The following EXOC6B variants were observed in gnomAD, a reference collection of about 807,000 sequenced individuals.
EXOC6B encodes SEC15 homolog B.
Under a neutral mutation model 113.5 loss-of-function variants are expected in EXOC6B, and 54 were observed. The ratio of observed to expected loss-of-function variants is 0.48; its 90% CI spans 0.38 to 0.60. The LOEUF (loss-of-function observed/expected upper bound fraction) is 0.60, where lower values mean the gene tolerates loss of function less well. EXOC6B is among the 20% of genes least tolerant of loss of function. EXOC6B has a pLI of 0.00. For missense variants in EXOC6B, 797 were observed against 977.5 expected, an observed-to-expected ratio of 0.82 and a Z score of 2.46; for synonymous variants, 357 against 339.0, an observed-to-expected ratio of 1.05 and a Z score of -0.58.
chr2:72,480,921 GT>G (rs1699049186), intron 16 of EXOC6B, among the ~76,000 whole-genome samples, 171 bp from the exon 17 acceptor site: 1 of 152,216 alleles, frequency 6.6e-6, no homozygotes, highest in Admixed American at 6.5e-5. Context: ...CTTCTAGGAA[GT>G]TTTTGATATG....
chr2:72,706,148 G>A (rs965608098), intron 6 of EXOC6B, among the ~76,000 whole-genome samples: 4 of 152,086 alleles, frequency 2.6e-5, no homozygotes, highest in Admixed American at 2.6e-4. Flanking sequence ...ATCCCTTCTG[G>A]ATAATTCTTT....
At chr2:72,605,884 A>G (rs951356999) in intron 6 of EXOC6B, among the ~76,000 whole-genome samples, 2 of 152,200 alleles carry the variant, frequency 1.3e-5, no homozygotes, top group Non-Finnish European at 2.9e-5. Context: ...ACCTCAATCT[A>G]GTATCATAAA....
chr2:72,603,710 A>G (rs932378969), intron 6 of EXOC6B, among the ~76,000 whole-genome samples: 3 of 152,148 alleles, frequency 2.0e-5, no homozygotes, highest in Non-Finnish European at 2.9e-5. Flanking sequence ...CTTGCTTCCC[A>G]CTGGTAAGTG....
intron 6 of EXOC6B, among the ~76,000 whole-genome samples, chr2:72,634,781 G>A (rs1325903283): frequency 2.0e-5 from 3 of 152,142 alleles, no homozygotes; most frequent in African/African-American, 4.8e-5. Flanking sequence ...AACTTGTGCT[G>A]TCCTTATAAC....
intron 18 of EXOC6B, among the ~76,000 whole-genome samples, chr2:72,442,322 T>C (rs1696254200): frequency 6.6e-6 from 1 of 151,632 alleles, no homozygotes; most frequent in African/African-American, 2.4e-5. Flanking sequence ...GCTGAACACA[T>C]TCCCCCCCGC....
intron 6 of EXOC6B, among the ~76,000 whole-genome samples, chr2:72,704,221 A>G (rs1298593149): frequency 6.6e-6 from 1 of 150,426 alleles, no homozygotes; most frequent in Non-Finnish European, 1.5e-5. Context: ...CTGCTCCTGA[A>G]TGACTACTGG....
At chr2:72,550,919 A>ATT (rs761690851) in intron 8 of EXOC6B, among the ~76,000 whole-genome samples, 13 of 133,130 alleles carry the variant, frequency 9.8e-5, no homozygotes, top group Non-Finnish European at 1.6e-4. Context: ...TTTTTTTTTT[A>ATT]TTTTTTTTTT....
At chr2:72,589,280 A>C in intron 6 of EXOC6B, among the ~76,000 whole-genome samples, 1 of 152,068 alleles carries the variant, frequency 6.6e-6, no homozygotes, top group East Asian at 1.9e-4. Flanking sequence ...AAAAAGAGAT[A>C]AATTTTTTAA....
chr2:72,495,423 A>G lies in EXOC6B; in HGVS notation c.1553+7T>C, dbSNP rs1372237898. ...ATTGGTTACATTTCTACTATTTTGT[A>G]TTATACCTTAGATGAAGATCTTCTG... On this transcript the variant is annotated splice_region_variant and intron_variant, in intron 15 of 21. Transcript: ENST00000272427. The G allele has an allele frequency of 2.8e-6, 4 of 1,413,052 alleles. No homozygotes were observed. The highest frequency in any genetic ancestry group is 4.0e-6 in the Non-Finnish European group (4 of 1,008,946). The allele number at this position is 1,413,052 out of a possible 1,614,324, so 87.5% of individuals were successfully genotyped here. A position where few individuals can be genotyped will look rare whatever the true frequency, so the allele number is the denominator to read the frequency against.
intron 19 of EXOC6B, among the ~76,000 whole-genome samples, chr2:72,363,963 CT>C (rs1690464480): frequency 6.6e-6 from 1 of 151,922 alleles, no homozygotes; most frequent in Non-Finnish European, 1.5e-5. Context: ...AAGACCTGAC[CT>C]CATATTCAAA....
intron 20 of EXOC6B, among the ~76,000 whole-genome samples, chr2:72,293,920 G>A (rs1271753842): frequency 6.6e-6 from 1 of 152,016 alleles, no homozygotes; most frequent in Non-Finnish European, 1.5e-5. Context: ...ATTACAGTAA[G>A]AGACCATCAA....
At chr2:72,246,582 A>C (rs1287887728) in intron 20 of EXOC6B, among the ~76,000 whole-genome samples, 1 of 145,606 alleles carries the variant, frequency 6.9e-6, no homozygotes, top group African/African-American at 2.6e-5. Flanking sequence ...ATCTCAGCTC[A>C]CTGCAAGCTC....
At chr2:72,442,330 C>G (rs908098301) in intron 18 of EXOC6B, among the ~76,000 whole-genome samples, 1 of 152,046 alleles carries the variant, frequency 6.6e-6, no homozygotes, top group African/African-American at 2.4e-5. Flanking sequence ...CATTCCCCCC[C>G]GCAAAAAATG....
At chr2:72,258,264 G>C (rs1683474639) in intron 20 of EXOC6B, among the ~76,000 whole-genome samples, 2 of 151,670 alleles carry the variant, frequency 1.3e-5, no homozygotes, top group Admixed American at 6.6e-5. Flanking sequence ...CGACAGGGTT[G>C]ATGTTTGTTT....
chr2:72,339,241 T>C (rs1449280933), intron 19 of EXOC6B, among the ~76,000 whole-genome samples: 1 of 152,106 alleles, frequency 6.6e-6, no homozygotes, highest in Non-Finnish European at 1.5e-5. Context: ...TAATTAAAAT[T>C]GTCCTTCTTT....
chr2:72,637,318 A>G (rs1348322260), intron 6 of EXOC6B, among the ~76,000 whole-genome samples: 1 of 152,254 alleles, frequency 6.6e-6, no homozygotes, highest in African/African-American at 2.4e-5. Context: ...CTGTACAAAA[A>G]GAAACTATCA....
intron 20 of EXOC6B, among the ~76,000 whole-genome samples, chr2:72,308,636 T>G (rs551572866): frequency 6.6e-6 from 1 of 152,244 alleles, no homozygotes; most frequent in South Asian, 2.1e-4. Flanking sequence ...ATTAGGTAGC[T>G]GGAACTTAAA....
chr2:72,609,556 A>C (rs1670945480), intron 6 of EXOC6B, among the ~76,000 whole-genome samples: 1 of 151,960 alleles, frequency 6.6e-6, no homozygotes, highest in Non-Finnish European at 1.5e-5. Context: ...AAACCAGAAG[A>C]AAGCATTAGT....
chr2:72,440,443 T>C (rs1696133372), intron 18 of EXOC6B, among the ~76,000 whole-genome samples: 1 of 151,962 alleles, frequency 6.6e-6, no homozygotes, highest in Non-Finnish European at 1.5e-5. Flanking sequence ...CCAAACTAAG[T>C]GAAGGAGAAA....
Sources: allele counts gnomAD v4.1 joint callset (sites outside exome capture counted in the v4.1 genomes callset), GRCh38; gene constraint gnomAD v4.1.1; transcripts MANE v1.5; gene names NCBI Gene and HGNC (gene_info 2026-07-23, HGNC 2026-07-21).